Variants in POU6F2 observed in about 807,000 individuals in gnomAD.
POU6F2 encodes the protein POU domain, class 6, transcription factor 2.
In POU6F2, 31 loss-of-function variants were observed where a neutral mutation model predicts 71.3. That is an observed-to-expected ratio of 0.43 (90% CI 0.33 to 0.59). The LOEUF (loss-of-function observed/expected upper bound fraction) is 0.59. Among genes scored for constraint, POU6F2 ranks in the 20% least tolerant of loss-of-function variants. The probability of loss-of-function intolerance (pLI) is 0.04; values close to 1 mark genes in which losing one functional copy is unlikely to be tolerated. For missense variants in POU6F2, 783 were observed against 856.8 expected (o/e 0.91, Z 1.07); for synonymous variants, 347 against 355.7 (o/e 0.98, Z 0.27).
In POU6F2 at chr7:39,012,113, G is replaced by A. The variant is rs1399266714; in HGVS notation, c.105+34055G>A. On this transcript the variant is annotated intron_variant, in intron 1 of 9. Coordinates refer to ENST00000518318, the MANE Select transcript of POU6F2 (RefSeq NM_001370959.1). ...AAGTTCTCCTGGATAATATCCTGCA[G>A]AGTGTTTTCCAACTTGGTTCCATTC... 6.0e-5 allele frequency among the ~76,000 whole-genome samples: 9 copies of A among 151,168 alleles called. No individual in the cohort carries two copies. The South Asian group carries it at 1.0e-3, about 17-fold the overall frequency.
rs989929735 is a variant in POU6F2 at position 39,367,330 on chromosome 7, T to C, written c.972+27315T>C. On this transcript the variant is annotated intron_variant, in intron 5 of 9. Coordinates refer to ENST00000518318, the MANE Select transcript of POU6F2 (RefSeq NM_001370959.1). ...ATAGCCACCACCCATGCTGTGAAAA[T>C]AAACACAATTTTAAAATCTGTGAAT... is the stretch of plus-strand genomic sequence containing the variant. Among the ~76,000 whole-genome samples the C allele has an allele frequency of 3.9e-5, 6 of 152,204 alleles. No individual in the cohort carries two copies. In the East Asian group the frequency reaches 9.6e-4, roughly 24 times the overall value.
At chr7:39,026,532 T>C (rs978601260) in intron 1 of POU6F2, among the ~76,000 whole-genome samples, 1 of 151,912 alleles carries the variant, frequency 6.6e-6, no homozygotes, top group Non-Finnish European at 1.5e-5. Context: ...TTCTCAGTCA[T>C]AGATGGGAAT....
intron 2 of POU6F2, among the ~76,000 whole-genome samples, chr7:39,174,429 A>G (rs906335971): frequency 6.6e-6 from 1 of 152,194 alleles, no homozygotes; most frequent in Non-Finnish European, 1.5e-5. Flanking sequence ...AAGGGTGACT[A>G]TAATTAGAGA....
intron 4 of POU6F2, among the ~76,000 whole-genome samples, chr7:39,320,000 T>G (rs1239562706): frequency 6.6e-6 from 1 of 152,236 alleles, no homozygotes; most frequent in African/African-American, 2.4e-5. Context: ...CATAACAGAA[T>G]GAGACTAGGC....
intron 2 of POU6F2, among the ~76,000 whole-genome samples, chr7:39,150,423 A>C (rs1792732361): frequency 6.8e-6 from 1 of 146,978 alleles, no homozygotes; most frequent in South Asian, 2.2e-4. Flanking sequence ...TTCTTTGGGA[A>C]CCTCCACACT....
At chr7:39,315,908 C>T (rs1785257841) in intron 4 of POU6F2, among the ~76,000 whole-genome samples, 1 of 151,942 alleles carries the variant, frequency 6.6e-6, no homozygotes. Flanking sequence ...ATAATTTGTC[C>T]CCAAATTAAA....
At chr7:39,256,340 G>A (rs11773292) in intron 4 of POU6F2, among the ~76,000 whole-genome samples, 2,010 of 152,242 alleles carry the variant, frequency 0.013, 24 homozygotes, top group South Asian at 0.028. Flanking sequence ...TAGGAAGACC[G>A]GGGTATCAAA....
intron 2 of POU6F2, among the ~76,000 whole-genome samples, chr7:39,174,919 A>G (rs1793298533): frequency 6.6e-6 from 1 of 152,102 alleles, no homozygotes; most frequent in Admixed American, 6.5e-5. Flanking sequence ...TCACAATGGC[A>G]CTGTTCTCCC....
At chr7:39,178,769 G>A (rs1273086008) in intron 2 of POU6F2, among the ~76,000 whole-genome samples, 6 of 152,162 alleles carry the variant, frequency 3.9e-5, no homozygotes, top group Non-Finnish European at 7.4e-5. Flanking sequence ...AGGCTGCCTG[G>A]CTCTCGTGTC....
intron 2 of POU6F2, among the ~76,000 whole-genome samples, chr7:39,186,854 C>T (rs998560163): frequency 6.6e-6 from 1 of 152,174 alleles, no homozygotes; most frequent in Non-Finnish European, 1.5e-5. Flanking sequence ...ACCCTGCCCC[C>T]AGGCATTGAC....
intron 4 of POU6F2, among the ~76,000 whole-genome samples, chr7:39,283,352 T>C (rs1394478582): frequency 6.6e-6 from 1 of 152,174 alleles, no homozygotes; most frequent in Admixed American, 6.5e-5. Context: ...TAAGTAACCA[T>C]CATTGCTATC....
intron 2 of POU6F2, among the ~76,000 whole-genome samples, chr7:39,163,857 T>C (rs1360238789): frequency 2.6e-5 from 4 of 152,156 alleles, no homozygotes; most frequent in Non-Finnish European, 4.4e-5. Context: ...ATCTTGTCAT[T>C]TGTAACAGCA....
At chr7:39,071,719 A>G (rs1485755783) in intron 1 of POU6F2, among the ~76,000 whole-genome samples, 1 of 151,780 alleles carries the variant, frequency 6.6e-6, no homozygotes, top group East Asian at 1.9e-4. Flanking sequence ...TTAAATGAGA[A>G]AAAATTTCTA....
At chr7:39,226,453 A>AATGCTCACAAATACAATCTAACCAC (rs1214627774) in intron 4 of POU6F2, among the ~76,000 whole-genome samples, 1 of 152,206 alleles carries the variant, frequency 6.6e-6, no homozygotes, top group Non-Finnish European at 1.5e-5. Context: ...AAGAACATCA[A>AATGCTCACAAATACAATCTAACCAC]ATGCTCACAA....
chr7:39,329,935 T>C (rs1216077316), intron 4 of POU6F2, among the ~76,000 whole-genome samples: 1 of 152,238 alleles, frequency 6.6e-6, no homozygotes, highest in African/African-American at 2.4e-5. Flanking sequence ...TTTGCTGTTA[T>C]AATATAAAAT....
At chr7:39,095,024 A>C (rs1466361279) in intron 2 of POU6F2, among the ~76,000 whole-genome samples, 3 of 152,204 alleles carry the variant, frequency 2.0e-5, no homozygotes, top group Admixed American at 6.5e-5. Flanking sequence ...GCATGCAAAA[A>C]ATATTGCATG....
At chr7:39,001,425 A>C (rs1427573961) in intron 1 of POU6F2, among the ~76,000 whole-genome samples, 1 of 152,208 alleles carries the variant, frequency 6.6e-6, no homozygotes, top group Non-Finnish European at 1.5e-5. Context: ...CCTAGCTTGC[A>C]TTGTAGACAA....
rs1395004297 is a variant in POU6F2 at position 39,286,544 on chromosome 7, T to G, written c.599-53098T>G. ...GCTCAGATTTCTCTCAAATACAGTT[T>G]TCTGGCCTCTCCTTGAACATTCCTG... On this transcript the variant is annotated intron_variant, in intron 4 of 9. Coordinates refer to ENST00000518318, the MANE Select transcript of POU6F2 (RefSeq NM_001370959.1). Among the ~76,000 whole-genome samples the G allele has an allele frequency of 2.6e-5, 4 of 152,216 alleles. No individual in the cohort carries two copies. The East Asian group carries it at 7.7e-4, about 29-fold the overall frequency.
intron 1 of POU6F2, among the ~76,000 whole-genome samples, chr7:39,076,253 C>CCCTT (rs907049025): frequency 1.3e-5 from 2 of 151,648 alleles, no homozygotes; most frequent in African/African-American, 4.8e-5. Context: ...TCCATTCCCT[C>CCCTT]CCTTCCTTCC....
Sources: gnomAD v4.1 joint callset for allele counts (sites outside exome capture counted in the v4.1 genomes callset) on GRCh38, gnomAD v4.1.1 for gene constraint, MANE v1.5 for transcripts, NCBI Gene and HGNC (gene_info 2026-07-23, HGNC 2026-07-21) for gene names.